The following SECISBP2L variants were observed in gnomAD, a reference collection of about 807,000 sequenced individuals.
SECISBP2L encodes the protein SECIS binding protein 2 like.
In SECISBP2L, 43 loss-of-function variants were observed where a neutral mutation model predicts 114.7. The observed-to-expected ratio is 0.38, with a 90% CI of 0.29 to 0.48. SECISBP2L has a LOEUF of 0.48. Ranked by LOEUF, SECISBP2L falls within the 20% of genes least tolerant of loss-of-function variation. The pLI, the probability that SECISBP2L is intolerant of heterozygous loss-of-function variation, is 0.98. For missense variants in SECISBP2L, 1,136 were observed against 1,301.1 expected, an observed-to-expected ratio of 0.87 and a Z score of 1.95; for synonymous variants, 451 against 439.7, an observed-to-expected ratio of 1.03 and a Z score of -0.32.
At chr15:49,027,766 G>A (rs559083389) in intron 6 of SECISBP2L, among the ~76,000 whole-genome samples, 20 of 151,858 alleles carry the variant, frequency 1.3e-4, no homozygotes, top group Admixed American at 9.8e-4. Flanking sequence ...TCACCACCAC[G>A]TCCAGTTAAC....
At chr15:49,015,097 G>A (rs560713725) in intron 11 of SECISBP2L, among the ~76,000 whole-genome samples, 12 of 152,162 alleles carry the variant, frequency 7.9e-5, no homozygotes, top group African/African-American at 2.9e-4. Context: ...AGACAATCCT[G>A]AAGTAGGTAC....
At position 49,016,953 on chromosome 15, in the gene SECISBP2L, G is replaced by C. The variant is rs1366342434; in HGVS notation, c.1314C>G (p.Thr438=). Residue 438 remains threonine (T), a synonymous_variant, in exon 10 of 18, where the codon ACC becomes ACG. Coordinates refer to ENST00000559471, the MANE Select transcript of SECISBP2L (RefSeq NM_001193489.2). The stretch of plus-strand genomic sequence containing the variant: ...GACTTTTTGCACGTTTGGGAACTGA[G>C]GTGGTAATAGGAATTGGAGTCTGAA... ...NIVQTPIPIT[T]SVPKRAKSQK... is the part of the protein sequence containing the mutation. The C allele has an allele frequency of 6.2e-7, 1 of 1,614,030 alleles. No homozygotes were observed. Among genetic ancestry groups the C allele is most frequent in the Non-Finnish European group, 8.5e-7 (1 of 1,179,952 alleles).
At chr15:49,013,185 A>G (rs1902471207) in intron 11 of SECISBP2L, 1 of 165,288 alleles carries the variant, frequency 6.1e-6, no homozygotes, top group South Asian at 1.8e-4. Flanking sequence ...ATTTGTCCTT[A>G]TGTAAGATAT....
chr15:49,009,796 A>G (rs570706056), intron 13 of SECISBP2L, among the ~76,000 whole-genome samples: 1 of 152,268 alleles, frequency 6.6e-6, no homozygotes, highest in African/African-American at 2.4e-5. Context: ...CACATTACCT[A>G]AAACATGTGT....
chr15:49,040,728 C>T (rs866534068), intron 1 of SECISBP2L, among the ~76,000 whole-genome samples: 25 of 150,582 alleles, frequency 1.7e-4, no homozygotes, highest in Middle Eastern at 6.9e-3. Context: ...TTAGTAGAGA[C>T]GGGGTTTCAC....
chr15:48,992,783 ATG>A lies in SECISBP2L; in HGVS notation c.2765_2766del (p.Ser922PhefsTer20). 1.9e-6 allele frequency: 3 copies of A among 1,614,188 alleles called. No homozygotes were observed. The highest frequency in any genetic ancestry group is 2.5e-6 in the Non-Finnish European group (3 of 1,180,040). On this transcript the variant is annotated frameshift_variant, in exon 18 of 18. Coordinates refer to ENST00000559471, the MANE Select transcript of SECISBP2L (RefSeq NM_001193489.2). LOFTEE classifies it high-confidence loss of function. ...GAGGTAGTACTGCCTGTAGCCACTA[ATG>A]ATGGCTGCTTACCAATTGGGGGTGT... Reference protein sequence around the residue: ...FDTPPIGKQPSLVATGSTTSA... With the variant: ...FDTPPIGKQPXLVATGSTTSA...
intron 14 of SECISBP2L, 63 bp downstream of exon 14, chr15:49,009,153 A>C: frequency 2.0e-6 from 3 of 1,528,808 alleles, no homozygotes; most frequent in Non-Finnish European, 2.7e-6. Flanking sequence ...TGACAATACT[A>C]AATTCAGAAC....
At chr15:49,008,366 T>C (rs959845388) in intron 14 of SECISBP2L, among the ~76,000 whole-genome samples, 16 of 152,216 alleles carry the variant, frequency 1.1e-4, no homozygotes, top group African/African-American at 1.9e-4. Context: ...GTGTGCCAAA[T>C]TGAAGAATGC....
In SECISBP2L at chr15:49,037,661, C is replaced by T; in HGVS notation, c.133G>A (p.Val45Met). The change falls in exon 2 of 18, where the codon GTG becomes ATG. Residue 45 changes from valine to methionine, a missense_variant. Transcript: ENST00000559471. Reference protein sequence around the residue: ...LPNDNGSVSGVEPTPIPSYLI... With the variant: ...LPNDNGSVSGMEPTPIPSYLI... ...TAGCTGGGAATTGGAGTTGGTTCCA[C>T]ACCAGAAACACTTCCATTATCATTT... 4 of 1,613,904 alleles carry T rather than the reference C, an allele frequency of 2.5e-6. No homozygotes were observed. The highest frequency in any genetic ancestry group is 2.2e-5 in the East Asian group (1 of 44,854).
chr15:49,040,524 A>ATTAT (rs1489343303), intron 1 of SECISBP2L, among the ~76,000 whole-genome samples: 2 of 71,132 alleles, frequency 2.8e-5, no homozygotes, highest in Non-Finnish European at 6.1e-5. Flanking sequence ...ATCCCAAACT[A>ATTAT]TTCTTTTTTT....
rs376134476 is a variant in SECISBP2L, at chr15:49,030,011, AT to A, written c.665-1330del. 2.2e-3 allele frequency among the ~76,000 whole-genome samples: 308 copies of A among 141,834 alleles called. 3 individuals are homozygous for A. Among genetic ancestry groups the A allele is most frequent in the African/African-American group, 7.8e-3 (296 of 38,096 alleles). The allele number at this position is 141,834 out of a possible 152,430, so 93.0% of individuals were successfully genotyped here. A position where few individuals can be genotyped will look rare whatever the true frequency, so the allele number is the denominator to read the frequency against. Reference sequence around the variant, plus strand: ...ATTTTTCAACTGAGTTGTATTTCTTATTTACTTCACAAATCATAACTGTACC... The same window carrying A: ...ATTTTTCAACTGAGTTGTATTTCTTATTACTTCACAAATCATAACTGTACC... On this transcript the variant is annotated intron_variant, in intron 4 of 17. Transcript: ENST00000559471.
intron 7 of SECISBP2L, among the ~76,000 whole-genome samples, chr15:49,026,081 G>C (rs1349852723): frequency 6.6e-6 from 1 of 152,168 alleles, no homozygotes; most frequent in African/African-American, 2.4e-5. Context: ...CAGCAACATG[G>C]ATGAGCCTAG....
chr15:49,012,782 T>C lies in SECISBP2L; in HGVS notation c.1597A>G (p.Thr533Ala), dbSNP rs774845613. The C allele has an allele frequency of 1.2e-6, 2 of 1,613,626 alleles. No individual in the cohort carries two copies. Among genetic ancestry groups the C allele is most frequent in the Admixed American group, 1.7e-5 (1 of 59,922 alleles). The change falls in exon 12 of 18, where the codon ACT (threonine) becomes GCT (alanine). Residue 533 changes from threonine (T) to alanine (A), a missense_variant. By Grantham distance (58) the Thr-to-Ala change is moderately conservative (BLOSUM62 0). This residue lies in a region of SECISBP2L where 684 missense variants were observed against 848.7 expected (regional missense o/e 0.81). Transcript: ENST00000559471. ...TAASFHTKDS[T>A]NRKPLTKSQP... ...CTTTTGGTTAAAGGTTTTCTATTAG[T>C]AGAGTCTTTAGTGTGAAAAGAAGCT...
At position 49,012,658 on chromosome 15, in the gene SECISBP2L, G is replaced by A. The variant is rs1902459094; in HGVS notation, c.1721C>T (p.Ala574Val). 1 of 1,612,820 alleles carries A rather than the reference G, an allele frequency of 6.2e-7. No homozygotes were observed. Among genetic ancestry groups the A allele is most frequent in the Non-Finnish European group, 8.5e-7 (1 of 1,179,810 alleles). Residue 574 changes from alanine (A) to valine (V), a missense_variant, in exon 12 of 18, where the codon GCA (alanine) becomes GTA (valine). Coordinates refer to ENST00000559471, the MANE Select transcript of SECISBP2L (RefSeq NM_001193489.2). ...KEIAKLKRPT[A>V]LKKVILKERE... The stretch of plus-strand genomic sequence containing the variant: ...CAGATTTTGGTTTACCTTTTTAAGT[G>A]CTGTGGGTCGTTTTAGTTTTGCAAT...
intron 11 of SECISBP2L, among the ~76,000 whole-genome samples, chr15:49,014,204 C>T (rs1191190908): frequency 6.6e-6 from 1 of 152,198 alleles, no homozygotes; most frequent in African/African-American, 2.4e-5. Context: ...CCAAGGACTA[C>T]ATCCTTTTCC....
At chr15:49,005,525 G>C (rs1012321035) in intron 14 of SECISBP2L, among the ~76,000 whole-genome samples, 8 of 119,250 alleles carry the variant, frequency 6.7e-5, no homozygotes, top group Admixed American at 1.8e-4. Flanking sequence ...TTGGTTTAAA[G>C]TCTGTTTTAT....
At chr15:49,025,617 G>A (rs572433898) in intron 7 of SECISBP2L, among the ~76,000 whole-genome samples, 1 of 151,890 alleles carries the variant, frequency 6.6e-6, no homozygotes, top group African/African-American at 2.4e-5. Flanking sequence ...TCAAGAGAAG[G>A]CATACATGAA....
At position 49,001,100 on chromosome 15, in the gene SECISBP2L, G is replaced by GT; in HGVS notation, c.2028-4dup. ...TACAAAGAACCTGATTACAATACCT[G>GT]TAAAAAAAAACCAAAATGGGTAACT... On this transcript the variant is annotated splice_polypyrimidine_tract_variant and splice_region_variant and intron_variant, in intron 14 of 17. Transcript: ENST00000559471. 1 of 1,577,726 alleles carries GT rather than the reference G, an allele frequency of 6.3e-7. No individual in the cohort carries two copies. The highest frequency in any genetic ancestry group is 1.7e-4 in the Middle Eastern group (1 of 5,860).
chr15:49,015,038 C>T (rs980863999), intron 11 of SECISBP2L, among the ~76,000 whole-genome samples: 2 of 152,076 alleles, frequency 1.3e-5, no homozygotes, highest in East Asian at 1.9e-4. Context: ...GTGATTATAA[C>T]CCAGATACTC....
Sources: allele counts gnomAD v4.1 joint callset (sites outside exome capture counted in the v4.1 genomes callset), GRCh38; gene constraint gnomAD v4.1.1; regional missense constraint gnomAD v4.1.1; transcripts MANE v1.5; gene names NCBI Gene and HGNC (gene_info 2026-07-23, HGNC 2026-07-21).